The following CTXND1 variants were observed in gnomAD, a reference collection of about 807,000 sequenced individuals.
CTXND1 encodes the protein cortexin domain containing 1, also known as cortexin domain-containing 1 protein.
chr15:80,216,310 A>G (rs1013225744), intron 1 of CTXND1, among the ~76,000 whole-genome samples: 1 of 152,168 alleles, frequency 6.6e-6, no homozygotes, highest in Non-Finnish European at 1.5e-5. Flanking sequence ...GCGCAGCTAC[A>G]TAAATTGATT....
At position 80,236,781 on chromosome 15, in the gene CTXND1, T is replaced by TA. The variant is rs375195033; in HGVS notation, c.-218+15225dup. On this transcript the variant is annotated intron_variant, in intron 1 of 2. Coordinates refer to ENST00000560778, the MANE Select transcript of CTXND1 (RefSeq NM_001352888.2). Reference sequence around the variant, plus strand: ...CTGGGTGATACAACAGGACTCGGTCTAAAAAAAAAAAAAAATTATAATGGA... The same window carrying TA: ...CTGGGTGATACAACAGGACTCGGTCTAAAAAAAAAAAAAAAATTATAATGGA... 4.5e-3 allele frequency among the ~76,000 whole-genome samples: 633 copies of TA among 141,182 alleles called. 4 individuals carry two copies. The highest frequency in any genetic ancestry group is 7.1e-3 in the African/African-American group (272 of 38,120). The allele number at this position is 141,182 out of a possible 152,430, so 92.6% of individuals were successfully genotyped here.
intron 1 of CTXND1, among the ~76,000 whole-genome samples, chr15:80,229,092 C>G (rs1219503558): frequency 6.6e-6 from 1 of 152,108 alleles, no homozygotes; most frequent in Non-Finnish European, 1.5e-5. Flanking sequence ...GACACTCAAC[C>G]TACATTTTGA....
intron 1 of CTXND1, among the ~76,000 whole-genome samples, chr15:80,214,325 T>G (rs1893230806): frequency 6.6e-6 from 1 of 152,140 alleles, no homozygotes; most frequent in Non-Finnish European, 1.5e-5. Context: ...AATAATACAA[T>G]TAATTAGCTG....
In CTXND1 at chr15:80,219,072, C is replaced by T. The variant is rs569497002; in HGVS notation, c.-217-15332G>A. Among the ~76,000 whole-genome samples the T allele has an allele frequency of 1.5e-3, 221 of 150,724 alleles. 1 individual carries two copies. The highest frequency in any genetic ancestry group is 5.1e-3 in the African/African-American group (208 of 41,092). On this transcript the variant is annotated intron_variant, in intron 1 of 2. Coordinates refer to ENST00000560778, the MANE Select transcript of CTXND1 (RefSeq NM_001352888.2). The stretch of plus-strand genomic sequence containing the variant: ...TCAGTGTCCGTAGTAGCTGGGACTA[C>T]AGGTGCGCACTACCACTCCCAGCTA...
intron 1 of CTXND1, among the ~76,000 whole-genome samples, chr15:80,228,788 C>T (rs905092823): frequency 2.6e-5 from 4 of 151,956 alleles, no homozygotes; most frequent in African/African-American, 9.7e-5. Flanking sequence ...ACCACCATAC[C>T]CAGCTAATTT....
chr15:80,201,505 C>A lies in CTXND1; in HGVS notation c.*265G>T. 1 of 339,380 alleles carries A rather than the reference C, an allele frequency of 2.9e-6. No individual in the cohort carries two copies. Among genetic ancestry groups the A allele is most frequent in the Non-Finnish European group, 5.3e-6 (1 of 188,638 alleles). The allele number at this position is 339,380 out of a possible 1,614,324, so 21.0% of individuals were successfully genotyped here. ...ACCCTATCATCTCACAGGGACTCCC[C>A]ACACTGGAACCCCAGCCTCCTGGGT... On this transcript the variant is annotated 3_prime_UTR_variant, in exon 3 of 3. Coordinates refer to ENST00000560778, the MANE Select transcript of CTXND1 (RefSeq NM_001352888.2).
rs553544116 is a variant in CTXND1, at chr15:80,220,931, C to T, written c.-217-17191G>A. On this transcript the variant is annotated intron_variant, in intron 1 of 2. Coordinates refer to ENST00000560778, the MANE Select transcript of CTXND1 (RefSeq NM_001352888.2). ...ATTATTATTTTTTTTTTTTTTGAGACAGAGTCTCGCTCTGTCGCCCAGGCT... is the reference window on the plus strand; with the variant it reads ...ATTATTATTTTTTTTTTTTTTGAGATAGAGTCTCGCTCTGTCGCCCAGGCT... Among the ~76,000 whole-genome samples, 868 of 144,952 alleles carry T rather than the reference C, an allele frequency of 6.0e-3. 14 individuals are homozygous for T. The highest frequency in any genetic ancestry group is 0.021 in the African/African-American group (832 of 39,706).
chr15:80,213,834 A>G (rs1893224890), intron 1 of CTXND1, among the ~76,000 whole-genome samples: 2 of 152,216 alleles, frequency 1.3e-5, no homozygotes, highest in African/African-American at 4.8e-5. Context: ...TGACAGCAAC[A>G]GAAAGACATT....
At chr15:80,237,716 A>G (rs1314199881) in intron 1 of CTXND1, among the ~76,000 whole-genome samples, 2 of 152,232 alleles carry the variant, frequency 1.3e-5, no homozygotes, top group Admixed American at 6.5e-5. Flanking sequence ...AACAGTCAAA[A>G]AGTTAAAACA....
chr15:80,220,912 AT>A (rs68162303), intron 1 of CTXND1, among the ~76,000 whole-genome samples: 31,486 of 141,208 alleles, frequency 0.22, 3,726 homozygotes, highest in Middle Eastern at 0.31. Flanking sequence ...TATTATTATT[AT>A]TTTTTTTTTT....
intron 1 of CTXND1, among the ~76,000 whole-genome samples, chr15:80,227,318 C>T (rs756669470): frequency 2.6e-5 from 4 of 152,198 alleles, no homozygotes; most frequent in Non-Finnish European, 5.9e-5. Flanking sequence ...ACTAATATCA[C>T]AGTCTTCCAC....
At chr15:80,230,007 G>C (rs1316709813) in intron 1 of CTXND1, among the ~76,000 whole-genome samples, 1 of 152,146 alleles carries the variant, frequency 6.6e-6, no homozygotes, top group Non-Finnish European at 1.5e-5. Context: ...TGGGCAGCAG[G>C]ACTCCTGGTC....
At chr15:80,234,757 C>T (rs986059812) in intron 1 of CTXND1, among the ~76,000 whole-genome samples, 2 of 152,164 alleles carry the variant, frequency 1.3e-5, no homozygotes, top group South Asian at 2.1e-4. Flanking sequence ...GGATTATAAG[C>T]GTGAGCCACT....
At chr15:80,211,202 C>T (rs550796424) in intron 1 of CTXND1, among the ~76,000 whole-genome samples, 2 of 152,292 alleles carry the variant, frequency 1.3e-5, no homozygotes, top group Non-Finnish European at 2.9e-5. Flanking sequence ...TGGCTGGTGC[C>T]CACCAGCTCC....
At chr15:80,214,685 G>A (rs915879098) in intron 1 of CTXND1, among the ~76,000 whole-genome samples, 4 of 152,064 alleles carry the variant, frequency 2.6e-5, no homozygotes, top group South Asian at 2.1e-4. Context: ...ACTGAACAAA[G>A]GGAATTAAAT....
At chr15:80,222,379 G>T (rs1269348446) in intron 1 of CTXND1, among the ~76,000 whole-genome samples, 1 of 151,890 alleles carries the variant, frequency 6.6e-6, no homozygotes, top group East Asian at 1.9e-4. Flanking sequence ...ATATCATTTT[G>T]CCAGTAAAAT....
chr15:80,216,068 A>G (rs572615372), intron 1 of CTXND1, among the ~76,000 whole-genome samples: 1 of 152,342 alleles, frequency 6.6e-6, no homozygotes, highest in South Asian at 2.1e-4. Flanking sequence ...TTCTATGTTA[A>G]CTGTGTTGAC....
At position 80,201,683 on chromosome 15, in the gene CTXND1, A is replaced by G; in HGVS notation, c.*87T>C. 2.5e-6 allele frequency: 1 copy of G among 397,964 alleles called. No homozygotes were observed. The highest frequency in any genetic ancestry group is 4.4e-6 in the Non-Finnish European group (1 of 226,128). 24.7% of individuals were successfully genotyped at this position (397,964 alleles called of 1,614,324 possible). ...CAGATTCATTCCTTGCCTCTGTGGG[A>G]TGGCAGGCTGGCAGGGAACACACGG... On this transcript the variant is annotated 3_prime_UTR_variant, in exon 3 of 3. Transcript: ENST00000560778.
At chr15:80,229,068 C>A (rs890198281) in intron 1 of CTXND1, among the ~76,000 whole-genome samples, 7 of 152,174 alleles carry the variant, frequency 4.6e-5, no homozygotes, top group African/African-American at 1.7e-4. Flanking sequence ...TGGTCCCAAG[C>A]ACTTCAGGTA....
Sources: gnomAD v4.1 joint callset for allele counts (sites outside exome capture counted in the v4.1 genomes callset) on GRCh38, gnomAD v4.1.1 for gene constraint, MANE v1.5 for transcripts, NCBI Gene and HGNC (gene_info 2026-07-23, HGNC 2026-07-21) for gene names.